PCDHGA7: variants seen among roughly 807,000 people sequenced by gnomAD.
PCDHGA7 encodes protocadherin gamma subfamily A, 7, also known as protocadherin gamma-A7.
A neutral mutation model predicts 58.3 loss-of-function variants in PCDHGA7; 44 were observed. That is an observed-to-expected ratio of 0.75 (90% CI 0.59 to 0.97). The LOEUF is 0.97. Among genes scored for constraint, PCDHGA7 ranks in the 50% least tolerant of loss-of-function variants. The pLI, the probability that PCDHGA7 is intolerant of heterozygous loss-of-function variation, is 0.00. For synonymous variants in PCDHGA7, 516 were observed against 504.2 expected (o/e 1.02, Z -0.31); for missense variants, 1,266 against 1,188.7 (o/e 1.06, Z -0.96).
chr5:141,447,389 C>T (rs1467715872), intron 1 of PCDHGA7, among the ~76,000 whole-genome samples: 1 of 152,150 alleles, frequency 6.6e-6, no homozygotes, highest in African/African-American at 2.4e-5. Context: ...CTGCCCACCT[C>T]GGCCTCCCAA....
intron 1 of PCDHGA7, chr5:141,394,820 C>T (rs1480144579): frequency 5.6e-6 from 9 of 1,613,748 alleles, no homozygotes; most frequent in African/African-American, 1.3e-5. Flanking sequence ...ACAGCATCCC[C>T]GAAGTCCTGA....
chr5:141,390,346 A>C, intron 1 of PCDHGA7: 1 of 1,576,446 alleles, frequency 6.3e-7, no homozygotes, highest in African/African-American at 1.4e-5. Context: ...TCACAAGAAA[A>C]TATACATATT....
At chr5:141,480,059 T>G (rs1169389701) in intron 1 of PCDHGA7, among the ~76,000 whole-genome samples, 1 of 152,096 alleles carries the variant, frequency 6.6e-6, no homozygotes, top group African/African-American at 2.4e-5. Context: ...GAATAATAAG[T>G]GTTTTATAAG....
Position 141,483,381 on chromosome 5 carries a change from G to T in PCDHGA7, c.2425-11426G>T, listed in dbSNP as rs147887550. ...AAGCTATTGCAATATTTGAAGAGAA[G>T]ATTGATAAATGCTTGAACCAGCACA... On this transcript the variant is annotated intron_variant, in intron 1 of 3. Transcript: ENST00000518325. 2.0e-3 allele frequency among the ~76,000 whole-genome samples: 305 copies of T among 152,292 alleles called. 2 individuals are homozygous for T. Among genetic ancestry groups the T allele is most frequent in the African/African-American group, 6.9e-3 (286 of 41,558 alleles).
intron 1 of PCDHGA7, chr5:141,394,299 C>G: frequency 6.2e-7 from 1 of 1,614,002 alleles, no homozygotes; most frequent in Middle Eastern, 1.6e-4. Context: ...CGAGGACACG[C>G]TGCAGGGGGC....
intron 1 of PCDHGA7, among the ~76,000 whole-genome samples, chr5:141,455,425 A>G (rs2098822334): frequency 1.3e-5 from 2 of 152,168 alleles, no homozygotes; most frequent in African/African-American, 2.4e-5. Flanking sequence ...CGGGGCTCCA[A>G]AAGAGGAGGT....
chr5:141,421,403 A>G, intron 1 of PCDHGA7: 1 of 1,614,054 alleles, frequency 6.2e-7, no homozygotes, highest in Non-Finnish European at 8.5e-7. Context: ...GAGCCCCGGG[A>G]GCTGGCGAAG....
intron 1 of PCDHGA7, chr5:141,395,547 TGTGTG>T (rs2093267739): frequency 0.011 from 1,902 of 174,314 alleles, 94 homozygotes; most frequent in African/African-American, 0.026. Flanking sequence ...ATTGTTTGTG[TGTGTG>T]TGTGTGTGTG....
intron 1 of PCDHGA7, among the ~76,000 whole-genome samples, chr5:141,450,696 A>G (rs943551061): frequency 1.3e-5 from 2 of 152,164 alleles, no homozygotes; most frequent in East Asian, 3.9e-4. Flanking sequence ...CATGTTGCCC[A>G]GGATGGTCTC....
rs562156266 is a variant in PCDHGA7, at chr5:141,467,826, T to C, written c.2425-26981T>C. On this transcript the variant is annotated intron_variant, in intron 1 of 3. Transcript: ENST00000518325. ...GGCACATGCCACCACACCAGGCTGA[T>C]TTTTATATTTTTTTGTAGAATGAGA... Among the ~76,000 whole-genome samples, 96 of 151,894 alleles carry C rather than the reference T, an allele frequency of 6.3e-4. 3 individuals carry two copies. Among genetic ancestry groups the C allele is most frequent in the Admixed American group, 6.2e-3 (95 of 15,236 alleles).
intron 1 of PCDHGA7, among the ~76,000 whole-genome samples, chr5:141,474,061 T>A (rs2099339173): frequency 1.3e-5 from 2 of 152,058 alleles, no homozygotes; most frequent in Admixed American, 6.6e-5. Flanking sequence ...CAGAGCGAGA[T>A]CCTGCCTCAG....
chr5:141,414,920 C>A (rs1222364302), intron 1 of PCDHGA7: 1 of 1,614,146 alleles, frequency 6.2e-7, no homozygotes, highest in South Asian at 1.1e-5. Flanking sequence ...GTGGAGCTGG[C>A]GCCCCGCTCC....
At chr5:141,394,777 C>T (rs2093090848) in intron 1 of PCDHGA7, 5 of 1,613,516 alleles carry the variant, frequency 3.1e-6, no homozygotes, top group African/African-American at 2.7e-5. Flanking sequence ...CCCCCTCTCT[C>T]CGCCACTGTC....
chr5:141,451,134 T>A (rs567790185), intron 1 of PCDHGA7, among the ~76,000 whole-genome samples: 1 of 152,254 alleles, frequency 6.6e-6, no homozygotes, highest in South Asian at 2.1e-4. Context: ...AGCCTTATGA[T>A]TGTATTTAGA....
chr5:141,486,967 G>C lies in PCDHGA7; in HGVS notation c.2425-7840G>C. The C allele has an allele frequency of 6.2e-7, 1 of 1,614,202 alleles. No homozygotes were observed. Among genetic ancestry groups the C allele is most frequent in the Non-Finnish European group, 8.5e-7 (1 of 1,180,032 alleles). ...TCACAAAGGTGACTGCTGTGGACTT[G>C]GATTCAGGTTACAATGCTTGGGTTT... On this transcript the variant is annotated intron_variant, in intron 1 of 3. Transcript: ENST00000518325. The surrounding 1 kb of genome is among the most constrained non-coding windows in gnomAD (Gnocchi z 5.0).
At chr5:141,437,312 G>T (rs2097875410) in intron 1 of PCDHGA7, among the ~76,000 whole-genome samples, 1 of 152,176 alleles carries the variant, frequency 6.6e-6, no homozygotes, top group South Asian at 2.1e-4. Context: ...AAAGCGTTCA[G>T]CTATAATTTA....
intron 1 of PCDHGA7, chr5:141,399,517 G>A: frequency 1.9e-6 from 3 of 1,613,998 alleles, no homozygotes; most frequent in Non-Finnish European, 2.5e-6. Flanking sequence ...CAACCCTCCT[G>A]GGGCCTCCAT....
Position 141,383,135 on chromosome 5 carries a change from A to T in PCDHGA7, c.236A>T (p.Gln79Leu). The change falls in exon 1 of 4, where the codon CAG (glutamine) becomes CTG (leucine). Residue 79 changes from glutamine (Q) to leucine (L), a missense_variant. Physicochemically the swap from Gln to Leu is moderately radical, Grantham distance 113 (BLOSUM62 -2). Coordinates refer to ENST00000518325, the MANE Select transcript of PCDHGA7 (RefSeq NM_018920.4). The part of the protein sequence containing the change: ...RGRTQLFALN[Q>L]RSGSLVTAGR... ...AGGACGCAGCTTTTCGCCCTGAACC[A>T]GCGCAGCGGCAGCTTGGTCACTGCG... The T allele has an allele frequency of 1.2e-5, 20 of 1,614,114 alleles. No homozygotes were observed. Among genetic ancestry groups the T allele is most frequent in the Non-Finnish European group, 1.7e-5 (20 of 1,179,996 alleles).
At chr5:141,426,858 T>C (rs898486771) in intron 1 of PCDHGA7, 1 of 456,574 alleles carries the variant, frequency 2.2e-6, no homozygotes, top group Non-Finnish European at 4.4e-6. Context: ...CGCTCCAGAA[T>C]TAGTGCTGGA....
Sources: gnomAD v4.1 joint callset for allele counts (sites outside exome capture counted in the v4.1 genomes callset) on GRCh38, gnomAD v4.1.1 for gene constraint, Gnocchi (gnomAD v3.1) non-coding constraint, MANE v1.5 for transcripts, NCBI Gene and HGNC (gene_info 2026-07-23, HGNC 2026-07-21) for gene names.